Variants in FGF14 observed in about 807,000 individuals in gnomAD.
FGF14 encodes fibroblast growth factor homologous factor 4.
A neutral mutation model predicts 25.5 loss-of-function variants in FGF14; 5 were observed. That is an observed-to-expected ratio of 0.20 (90% CI 0.10 to 0.41). FGF14 has a LOEUF of 0.41. Ranked by LOEUF, FGF14 falls within the 10% of genes least tolerant of loss-of-function variation. The probability of loss-of-function intolerance (pLI) is 1.00; values close to 1 mark genes in which losing one functional copy is unlikely to be tolerated. For synonymous variants in FGF14, 138 were observed against 118.3 expected, an observed-to-expected ratio of 1.17 and a Z score of -1.08; for missense variants, 222 against 320.1, an observed-to-expected ratio of 0.69 and a Z score of 2.34.
chr13:102,347,148 G>T (rs183482634), intron 1 of FGF14, among the ~76,000 whole-genome samples: 5 of 152,226 alleles, frequency 3.3e-5, no homozygotes, highest in Admixed American at 3.3e-4. Context: ...CAGAAGCTGG[G>T]TTCGTTAGTG....
chr13:102,106,823 T>C (rs1704735926), intron 1 of FGF14, among the ~76,000 whole-genome samples: 1 of 152,222 alleles, frequency 6.6e-6, no homozygotes, highest in African/African-American at 2.4e-5. Context: ...AAATACATTA[T>C]GGCTTGTAGT....
intron 1 of FGF14, among the ~76,000 whole-genome samples, chr13:101,928,606 C>A (rs1196115609): frequency 6.6e-6 from 1 of 151,994 alleles, no homozygotes; most frequent in African/African-American, 2.4e-5. Flanking sequence ...CAAGAAGTAG[C>A]CTTAGAGATG....
chr13:101,987,749 A>C (rs1277743441), intron 1 of FGF14, among the ~76,000 whole-genome samples: 1 of 152,122 alleles, frequency 6.6e-6, no homozygotes, highest in African/African-American at 2.4e-5. Flanking sequence ...ACAATATATA[A>C]TATGTTTTTT....
intron 1 of FGF14, among the ~76,000 whole-genome samples, chr13:101,876,799 GA>G (rs1300856359): frequency 6.6e-6 from 1 of 151,868 alleles, no homozygotes; most frequent in South Asian, 2.1e-4. Flanking sequence ...TGCACTAGTG[GA>G]AAAAAAATAC....
rs544525228 is a variant in FGF14, at chr13:101,786,454, AAAAGTCTAAGGTCTAAG to A, written c.409-59661_409-59645del. On this transcript the variant is annotated intron_variant, in intron 3 of 4. Transcript: ENST00000376143. ...AGAAATGTATTTCCTCACAGTCTAA[AAAAGTCTAAGGTCTAAG>A]AAAGTCTAAGGTCTACGGAAGTCTA... 5.9e-5 allele frequency among the ~76,000 whole-genome samples: 9 copies of A among 152,272 alleles called. 1 individual carries two copies. In the South Asian group the frequency reaches 1.4e-3, roughly 25 times the overall value.
chr13:101,801,357 T>A (rs1322690), intron 3 of FGF14, among the ~76,000 whole-genome samples: 127,160 of 151,934 alleles, frequency 0.84, 56,398 homozygotes, highest in East Asian at 1. Flanking sequence ...TGACAATTTT[T>A]TTTTTTTTTC....
At chr13:102,287,907 A>G (rs1027294654) in intron 1 of FGF14, among the ~76,000 whole-genome samples, 5 of 152,222 alleles carry the variant, frequency 3.3e-5, no homozygotes, top group African/African-American at 1.2e-4. Flanking sequence ...CCTGGCACAC[A>G]GTAGGCATTC....
intron 1 of FGF14, among the ~76,000 whole-genome samples, chr13:102,301,772 A>G (rs928512768): frequency 2.0e-5 from 3 of 150,952 alleles, no homozygotes; most frequent in African/African-American, 7.3e-5. Flanking sequence ...GCAATCTTAC[A>G]GTATTCCCTG....
chr13:102,037,088 T>A (rs1214350425), intron 1 of FGF14, among the ~76,000 whole-genome samples: 1 of 152,090 alleles, frequency 6.6e-6, no homozygotes, highest in East Asian at 1.9e-4. Context: ...TGTTTGAGAG[T>A]TTGTTGGTGA....
intron 1 of FGF14, among the ~76,000 whole-genome samples, chr13:102,147,071 T>C (rs1332934691): frequency 1.3e-5 from 2 of 152,230 alleles, no homozygotes; most frequent in Non-Finnish European, 2.9e-5. Flanking sequence ...CCACAGAATA[T>C]ATTATGGTAC....
intron 1 of FGF14, among the ~76,000 whole-genome samples, chr13:102,127,002 G>C (rs545633362): frequency 1.3e-5 from 2 of 152,180 alleles, no homozygotes; most frequent in African/African-American, 4.8e-5. Context: ...AGCTGAGTAA[G>C]TAACTGCAGG....
chr13:101,954,895 TAGTC>T (rs1254529749), intron 1 of FGF14, among the ~76,000 whole-genome samples: 2 of 152,254 alleles, frequency 1.3e-5, no homozygotes, highest in Non-Finnish European at 2.9e-5. Flanking sequence ...GAGAGTGTCT[TAGTC>T]AGGAGGAATA....
chr13:101,835,979 C>T (rs112841124), intron 3 of FGF14, among the ~76,000 whole-genome samples: 4 of 152,114 alleles, frequency 2.6e-5, no homozygotes, highest in African/African-American at 9.6e-5. Flanking sequence ...GCCAGTTGTA[C>T]TTTTAAAAAT....
At chr13:102,276,298 T>TAC (rs57994075) in intron 1 of FGF14, among the ~76,000 whole-genome samples, 8,472 of 118,030 alleles carry the variant, frequency 0.072, 421 homozygotes, top group East Asian at 0.19. Context: ...AACTTGGAAA[T>TAC]ACACACACAC....
intron 1 of FGF14, among the ~76,000 whole-genome samples, chr13:102,207,624 TAAA>T (rs35568335): frequency 1.8e-4 from 17 of 92,444 alleles, no homozygotes; most frequent in East Asian, 3.3e-4. Context: ...CAGTTTTCAT[TAAA>T]AAAAAAAAAA....
At chr13:102,059,879 A>G (rs1261681817) in intron 1 of FGF14, among the ~76,000 whole-genome samples, 1 of 151,724 alleles carries the variant, frequency 6.6e-6, no homozygotes, top group Non-Finnish European at 1.5e-5. Flanking sequence ...ACAAAAAAAA[A>G]AGAAAAGAAA....
intron 1 of FGF14, among the ~76,000 whole-genome samples, chr13:102,007,161 C>T (rs921038036): frequency 2.0e-5 from 3 of 152,148 alleles, no homozygotes; most frequent in Non-Finnish European, 4.4e-5. Context: ...ATCCCCAGTG[C>T]AGCTATTTTA....
chr13:101,983,096 G>C (rs932549785), intron 1 of FGF14, among the ~76,000 whole-genome samples: 2 of 145,560 alleles, frequency 1.4e-5, no homozygotes, highest in East Asian at 3.9e-4. Flanking sequence ...TTGTCTCTTT[G>C]GAGTTATAAA....
intron 3 of FGF14, among the ~76,000 whole-genome samples, chr13:101,816,344 ATC>A (rs1174224691): frequency 1.3e-5 from 2 of 151,082 alleles, no homozygotes; most frequent in African/African-American, 2.4e-5. Flanking sequence ...TTTAATGTTT[ATC>A]TCTCTGACTT....
Sources: allele counts gnomAD v4.1 joint callset (sites outside exome capture counted in the v4.1 genomes callset), GRCh38; gene constraint gnomAD v4.1.1; transcripts MANE v1.5; gene names NCBI Gene and HGNC (gene_info 2026-07-23, HGNC 2026-07-21).